The following KMO variants were observed in gnomAD, a reference collection of about 807,000 sequenced individuals.
KMO encodes kynurenine 3-monooxygenase, also known as kynurenine 3-hydroxylase.
KMO carries 24 observed loss-of-function variants against 57.8 expected under a neutral mutation model. That is an observed-to-expected ratio of 0.42 (90% CI 0.30 to 0.58). KMO has a LOEUF of 0.58. Among genes scored for constraint, KMO ranks in the 20% least tolerant of loss-of-function variants. KMO has a pLI of 0.22. For synonymous variants in KMO, 210 were observed against 193.6 expected (o/e 1.08, Z -0.70); for missense variants, 483 against 588.2 (o/e 0.82, Z 1.85).
intron 10 of KMO, among the ~76,000 whole-genome samples, chr1:241,586,368 T>C (rs1379849423): frequency 6.6e-6 from 1 of 151,810 alleles, no homozygotes; most frequent in Non-Finnish European, 1.5e-5. Context: ...CCAGCTATTA[T>C]TTTGTATTTT....
intron 11 of KMO, among the ~76,000 whole-genome samples, chr1:241,588,061 A>G (rs1663078612): frequency 6.6e-6 from 1 of 152,190 alleles, no homozygotes; most frequent in Non-Finnish European, 1.5e-5. Context: ...CTGACTTGCC[A>G]ACTTATTAAC....
intron 10 of KMO, among the ~76,000 whole-genome samples, chr1:241,575,784 C>A (rs918251306): frequency 1.3e-5 from 2 of 151,984 alleles, no homozygotes; most frequent in Admixed American, 1.3e-4. Context: ...TCTGTTAGAT[C>A]TATATTTTCT....
In KMO at chr1:241,593,330, G is replaced by T; in HGVS notation, c.*1177G>T. 2.4e-6 allele frequency: 1 copy of T among 420,382 alleles called. No homozygotes were observed. The highest frequency in any genetic ancestry group is 5.2e-6 in the Non-Finnish European group (1 of 191,710). The allele number at this position is 420,382 out of a possible 1,614,324, so 26.0% of individuals were successfully genotyped here. On this transcript the variant is annotated 3_prime_UTR_variant, in exon 15 of 15. Transcript: ENST00000366559. ...CTTGATTTTTAAAAGCACATTTAGT[G>T]AAATGTTTTCTTTGGTTCATCCTTC... is the stretch of plus-strand genomic sequence containing the variant.
chr1:241,581,265 T>A (rs1236035400), intron 10 of KMO, among the ~76,000 whole-genome samples: 2 of 152,110 alleles, frequency 1.3e-5, no homozygotes, highest in East Asian at 1.9e-4. Context: ...TTGAGTCTTA[T>A]CTTTTTATAC....
At chr1:241,570,705 G>A (rs1317844851) in intron 10 of KMO, among the ~76,000 whole-genome samples, 1 of 152,100 alleles carries the variant, frequency 6.6e-6, no homozygotes, top group Non-Finnish European at 1.5e-5. Context: ...ATAATTTGAA[G>A]TCAGGTAATG....
At chr1:241,533,771 C>T (rs556677500) in intron 1 of KMO, among the ~76,000 whole-genome samples, 122 of 152,244 alleles carry the variant, frequency 8.0e-4, no homozygotes, top group African/African-American at 2.9e-3. Context: ...ATGAAAGAAA[C>T]GAAAACAGGG....
Position 241,561,399 on chromosome 1 carries a change from A to T in KMO, c.449+647A>T, listed in dbSNP as rs111560475. Among the ~76,000 whole-genome samples, 347 of 152,292 alleles carry T rather than the reference A, an allele frequency of 2.3e-3. 1 individual carries two copies. The highest frequency in any genetic ancestry group is 7.4e-3 in the African/African-American group (309 of 41,560). ...AACTAATGCCTGAATAATTTGAATC[A>T]TTCATGATGTGTTCTTTCCCCTGTC... On this transcript the variant is annotated intron_variant, in intron 6 of 14. Coordinates refer to ENST00000366559, the MANE Select transcript of KMO (RefSeq NM_003679.5).
Position 241,586,670 on chromosome 1 carries a change from T to A in KMO, c.958-9T>A. 1 of 1,570,074 alleles carries A rather than the reference T, an allele frequency of 6.4e-7. No homozygotes were observed. The highest frequency in any genetic ancestry group is 8.7e-7 in the Non-Finnish European group (1 of 1,154,568). ...AGTTTCTTATTTCTCTTTTTTTTTC[T>A]TGTTTCAGGGCTTTGAAGACTGCTT... is the stretch of plus-strand genomic sequence containing the variant. On this transcript the variant is annotated splice_polypyrimidine_tract_variant and intron_variant, in intron 10 of 14. Coordinates refer to ENST00000366559, the MANE Select transcript of KMO (RefSeq NM_003679.5).
intron 1 of KMO, among the ~76,000 whole-genome samples, chr1:241,546,531 TAG>T (rs1661156085): frequency 1.3e-5 from 2 of 152,092 alleles, no homozygotes; most frequent in African/African-American, 2.4e-5. Context: ...TTCCAATAAC[TAG>T]AGGCAGAAAG....
In KMO at chr1:241,541,971, G is replaced by A. The variant is rs1300713611; in HGVS notation, c.55-6858G>A. Among the ~76,000 whole-genome samples the A allele has an allele frequency of 4.6e-5, 7 of 151,634 alleles. No homozygotes were observed. In the East Asian group the frequency reaches 1.4e-3, roughly 29 times the overall value. Reference sequence around the variant, plus strand: ...TATACGCTTCATTAAGTCAAAAGTAGTTGACAAATGTTTAATATTGCACTA... The same window carrying A: ...TATACGCTTCATTAAGTCAAAAGTAATTGACAAATGTTTAATATTGCACTA... On this transcript the variant is annotated intron_variant, in intron 1 of 14. Transcript: ENST00000366559.
rs1661378255 is a variant in KMO at position 241,551,136 on chromosome 1, C to T, written c.312+92C>T. 4 of 731,472 alleles carry T rather than the reference C, an allele frequency of 5.5e-6. No individual in the cohort carries two copies. The Admixed American group carries it at 1.1e-4, about 20-fold the overall frequency. The allele number at this position is 731,472 out of a possible 1,614,324, so 45.3% of individuals were successfully genotyped here. The stretch of plus-strand genomic sequence containing the variant: ...GTTTGATGGCCCCTCTCTCTCCAGC[C>T]CTATCTCTGACATTGCTTGGCTCAG... On this transcript the variant is annotated intron_variant, in intron 4 of 14. Transcript: ENST00000366559.
chr1:241,552,702 T>C lies in KMO; in HGVS notation c.312+1658T>C, dbSNP rs184454301. The stretch of plus-strand genomic sequence containing the variant: ...CCTACGGGTCATGAAGAGACCTCGT[T>C]GTGGATGGCACGGGCGATAATTTAG... On this transcript the variant is annotated intron_variant, in intron 4 of 14. Transcript: ENST00000366559. Among the ~76,000 whole-genome samples, 475 of 152,300 alleles carry C rather than the reference T, an allele frequency of 3.1e-3. 2 individuals carry two copies. Among genetic ancestry groups the C allele is most frequent in the African/African-American group, 0.011 (446 of 41,566 alleles).
chr1:241,554,527 G>C (rs2147953820), intron 4 of KMO, among the ~76,000 whole-genome samples: 2 of 152,058 alleles, frequency 1.3e-5, no homozygotes, highest in East Asian at 3.9e-4. Context: ...GCTTGCCTCA[G>C]CCTCACAAAG....
intron 1 of KMO, 129 bp from the exon 2 acceptor site, chr1:241,548,700 C>T: frequency 2.0e-6 from 1 of 494,108 alleles, no homozygotes; most frequent in Non-Finnish European, 3.6e-6. Flanking sequence ...ATAAATGAGG[C>T]TGGTAAAATA....
rs145620442 is a variant in KMO at position 241,571,479 on chromosome 1, G to T, written c.957+2832G>T. Among the ~76,000 whole-genome samples, 53 of 152,170 alleles carry T rather than the reference G, an allele frequency of 3.5e-4. No individual in the cohort carries two copies. The South Asian group carries it at 9.9e-3, about 29-fold the overall frequency. Reference sequence around the variant, plus strand: ...ATTCCTTCTATACCCAGTTTTTTGAGAATTTTTATCATGAAGGGATGTTGA... The same window carrying T: ...ATTCCTTCTATACCCAGTTTTTTGATAATTTTTATCATGAAGGGATGTTGA... On this transcript the variant is annotated intron_variant, in intron 10 of 14. Transcript: ENST00000366559.
intron 7 of KMO, 110 bp downstream of exon 7, chr1:241,562,442 C>A: frequency 9.6e-7 from 1 of 1,045,260 alleles, no homozygotes; most frequent in Non-Finnish European, 1.4e-6. Context: ...ATTTTGAGGC[C>A]TATCACAAGA....
At position 241,548,829 on chromosome 1, in the gene KMO, G is replaced by A. The variant is rs758728879; in HGVS notation, c.55G>A (p.Val19Ile). The A allele has an allele frequency of 1.3e-6, 2 of 1,566,918 alleles. No individual in the cohort carries two copies. The highest frequency in any genetic ancestry group is 4.5e-5 in the East Asian group (2 of 44,584). Reference sequence around the variant, plus strand: ...TATTTAATTTTTTTTTAATTTCTAGGTTGGCTCATTACAAGCATGCTTTCT... The same window carrying A: ...TATTTAATTTTTTTTTAATTTCTAGATTGGCTCATTACAAGCATGCTTTCT... ...KKVAVIGGGL[V>I]GSLQACFLAK... The change falls in exon 2 of 15, where the codon GTT (valine) becomes ATT (isoleucine). Residue 19 changes from valine (V) to isoleucine (I), a missense_variant and splice_region_variant. Around this residue, in one of 3 missense-constraint regions of KMO, gnomAD observed 70 missense variants for 78.4 expected, o/e 0.89. Transcript: ENST00000366559.
rs1043340971 is a variant in KMO, at chr1:241,590,042, A to G, written c.1129A>G (p.Ile377Val). ...MRAHVNSSWFIFQKNMERFLH... is the reference protein window; with the variant it reads ...MRAHVNSSWFVFQKNMERFLH... ...AGCACATGTCAACTCAAGCTGGTTC[A>G]TTTTTCAGAAGAACATGGAGAGATT... Residue 377 changes from isoleucine to valine, a missense_variant, in exon 13 of 15, where the codon ATT (isoleucine) becomes GTT (valine). Transcript: ENST00000366559. The G allele has an allele frequency of 1.9e-6, 3 of 1,613,992 alleles. No individual in the cohort carries two copies. Among genetic ancestry groups the G allele is most frequent in the Non-Finnish European group, 2.5e-6 (3 of 1,179,912 alleles).
At chr1:241,577,454 A>G (rs1662565294) in intron 10 of KMO, among the ~76,000 whole-genome samples, 1 of 151,988 alleles carries the variant, frequency 6.6e-6, no homozygotes, top group Admixed American at 6.6e-5. Flanking sequence ...TTTAATGTTT[A>G]TAGTTTATTG....
Sources: allele counts gnomAD v4.1 joint callset (sites outside exome capture counted in the v4.1 genomes callset), GRCh38; gene constraint gnomAD v4.1.1; regional missense constraint gnomAD v4.1.1; transcripts MANE v1.5; gene names NCBI Gene and HGNC (gene_info 2026-07-23, HGNC 2026-07-21).